Variants in PCNX1 observed in about 807,000 individuals in gnomAD.
PCNX1 encodes pecanex 1, also known as pecanex-like protein 1.
In PCNX1, 78 loss-of-function variants were observed where a neutral mutation model predicts 242.2. The ratio of observed to expected loss-of-function variants is 0.32; its 90% CI spans 0.27 to 0.39. PCNX1 has a LOEUF of 0.39. PCNX1 is among the 10% of genes least tolerant of loss of function. The pLI is 1.00. For missense variants in PCNX1, 2,581 were observed against 2,856.5 expected (o/e 0.90, Z 2.20); for synonymous variants, 1,024 against 1,032.9 (o/e 0.99, Z 0.17).
At chr14:71,106,837 A>C (rs1049390693) in intron 33 of PCNX1, among the ~76,000 whole-genome samples, 3 of 151,882 alleles carry the variant, frequency 2.0e-5, no homozygotes, top group African/African-American at 7.3e-5. Context: ...TCTGGATTTG[A>C]GCTCTTTCAG....
In PCNX1 at chr14:70,977,883, G is replaced by C. The variant is rs552605628; in HGVS notation, c.1546G>C (p.Glu516Gln). 29 of 1,614,144 alleles carry C rather than the reference G, an allele frequency of 1.8e-5. No individual in the cohort carries two copies. The South Asian group carries it at 3.2e-4, about 18-fold the overall frequency. Residue 516 changes from glutamate to glutamine, a missense_variant, in exon 6 of 36, where the codon GAG becomes CAG. Around this residue, in one of 9 missense-constraint regions of PCNX1, gnomAD observed 1,204 missense variants for 1,216.7 expected, o/e 0.99. Transcript: ENST00000304743. Reference protein sequence around the residue: ...PPGNTAENKEEKSDKSAVSVD... With the variant: ...PPGNTAENKEQKSDKSAVSVD... ...TGGGAACACTGCAGAAAACAAAGAA[G>C]AGAAGAGTGATAAGTCAGCTGTTTC...
intron 1 of PCNX1, among the ~76,000 whole-genome samples, chr14:70,946,414 A>T (rs2057459206): frequency 6.6e-6 from 1 of 152,222 alleles, no homozygotes; most frequent in Non-Finnish European, 1.5e-5. Context: ...CATATACTGT[A>T]ATGTGATACC....
At chr14:70,984,795 C>T (rs1454529991) in intron 6 of PCNX1, among the ~76,000 whole-genome samples, 1 of 152,190 alleles carries the variant, frequency 6.6e-6, no homozygotes, top group East Asian at 1.9e-4. Flanking sequence ...AAATTTTGCT[C>T]TTTGGGCATC....
At chr14:71,100,479 C>T (rs2062433588) in intron 30 of PCNX1, among the ~76,000 whole-genome samples, 1 of 152,154 alleles carries the variant, frequency 6.6e-6, no homozygotes, top group African/African-American at 2.4e-5. Flanking sequence ...TGATGGGGTT[C>T]CCTTTTTATG....
intron 26 of PCNX1, among the ~76,000 whole-genome samples, chr14:71,058,797 G>T (rs1307647800): frequency 6.6e-6 from 1 of 152,192 alleles, no homozygotes; most frequent in East Asian, 1.9e-4. Context: ...ATGTTTACTT[G>T]TGATCTGTTT....
chr14:70,917,721 T>TA (rs2056205829), intron 1 of PCNX1, among the ~76,000 whole-genome samples: 1 of 152,198 alleles, frequency 6.6e-6, no homozygotes, highest in Admixed American at 6.5e-5. Flanking sequence ...GACTTTAACT[T>TA]ACAGTCACCA....
chr14:70,931,436 T>C (rs372654606), intron 1 of PCNX1, among the ~76,000 whole-genome samples: 532 of 152,362 alleles, frequency 3.5e-3, no homozygotes, highest in African/African-American at 0.012. Flanking sequence ...CTGCTATTGT[T>C]ACAAATGTTT....
chr14:71,090,050 G>C (rs1195597833), intron 30 of PCNX1, among the ~76,000 whole-genome samples: 1 of 152,140 alleles, frequency 6.6e-6, no homozygotes, highest in African/African-American at 2.4e-5. Flanking sequence ...CCTATTCCCT[G>C]TATGAATATT....
chr14:70,932,921 T>C (rs1324123785), intron 1 of PCNX1, among the ~76,000 whole-genome samples: 1 of 152,194 alleles, frequency 6.6e-6, no homozygotes, highest in Non-Finnish European at 1.5e-5. Context: ...CAAGAAGTTT[T>C]TATTATTTTT....
intron 32 of PCNX1, among the ~76,000 whole-genome samples, chr14:71,104,106 G>C (rs970821385): frequency 2.6e-5 from 4 of 152,290 alleles, no homozygotes; most frequent in Middle Eastern, 3.4e-3. Flanking sequence ...TGGCAATGCA[G>C]AGATACTACT....
Position 70,983,308 on chromosome 14 carries a change from A to AT in PCNX1, c.2311+4671dup, listed in dbSNP as rs568129037. 3.3e-3 allele frequency among the ~76,000 whole-genome samples: 487 copies of AT among 149,062 alleles called. 4 individuals carry two copies. The highest frequency in any genetic ancestry group is 6.4e-3 in the South Asian group (30 of 4,720). Reference sequence around the variant, plus strand: ...TCTTTAACGCAAAGCTCAGCTAATAATTTTTTTTTTTCTTGGGACGGAGTC... The same window carrying AT: ...TCTTTAACGCAAAGCTCAGCTAATAATTTTTTTTTTTTCTTGGGACGGAGTC... On this transcript the variant is annotated intron_variant, in intron 6 of 35. Transcript: ENST00000304743.
At chr14:70,910,877 T>C (rs1217860148) in intron 1 of PCNX1, among the ~76,000 whole-genome samples, 1 of 152,096 alleles carries the variant, frequency 6.6e-6, no homozygotes, top group African/African-American at 2.4e-5. Flanking sequence ...AAATCTAGCC[T>C]GGGGGTAATG....
chr14:70,991,273 C>T (rs182017596), intron 7 of PCNX1, among the ~76,000 whole-genome samples: 4,094 of 148,544 alleles, frequency 0.028, 70 homozygotes, highest in African/African-American at 0.049. Flanking sequence ...GGCGCGATCT[C>T]GGCTCACTGC....
intron 3 of PCNX1, among the ~76,000 whole-genome samples, chr14:70,965,096 A>G (rs756283216): frequency 6.6e-6 from 1 of 152,178 alleles, no homozygotes; most frequent in African/African-American, 2.4e-5. Context: ...CCCACTGACC[A>G]TAGTAGCTAC....
chr14:71,008,800 G>A (rs1017994097), intron 8 of PCNX1, among the ~76,000 whole-genome samples: 1 of 151,048 alleles, frequency 6.6e-6, no homozygotes, highest in South Asian at 2.1e-4. Context: ...CATTGCCTTC[G>A]TGGAAATTTA....
chr14:71,102,558 G>A (rs912700494), intron 31 of PCNX1, among the ~76,000 whole-genome samples: 3 of 152,060 alleles, frequency 2.0e-5, no homozygotes, highest in South Asian at 2.1e-4. Flanking sequence ...GAGCCACCAC[G>A]CCCAGCCTTG....
At chr14:71,022,539 A>G (rs752561489) in intron 12 of PCNX1, among the ~76,000 whole-genome samples, 6 of 152,152 alleles carry the variant, frequency 3.9e-5, no homozygotes, top group African/African-American at 1.2e-4. Flanking sequence ...TAGGGTGGTG[A>G]TAGATAATCC....
chr14:71,109,605 A>G lies in PCNX1; in HGVS notation c.6885+13A>G, dbSNP rs1028421576. 3 of 1,614,044 alleles carry G rather than the reference A, an allele frequency of 1.9e-6. No individual in the cohort carries two copies. The highest frequency in any genetic ancestry group is 1.7e-4 in the Middle Eastern group (1 of 6,058). ...CATGGAAGGCCATGTAAGTTCTTTT[A>G]CAAGCTGGCGGTCTGGGGCTCTGCC... On this transcript the variant is annotated intron_variant, in intron 35 of 35. Transcript: ENST00000304743.
At chr14:71,054,165 G>A (rs2061118609) in intron 24 of PCNX1, among the ~76,000 whole-genome samples, 1 of 152,176 alleles carries the variant, frequency 6.6e-6, no homozygotes, top group African/African-American at 2.4e-5. Flanking sequence ...AGAAATGGGA[G>A]CTTCTTAAAA....
Sources: allele counts gnomAD v4.1 joint callset (sites outside exome capture counted in the v4.1 genomes callset), GRCh38; gene constraint gnomAD v4.1.1; regional missense constraint gnomAD v4.1.1; transcripts MANE v1.5; gene names NCBI Gene and HGNC (gene_info 2026-07-23, HGNC 2026-07-21).